Variants in AHI1 observed in about 807,000 individuals in gnomAD.
AHI1 encodes jouberin.
In AHI1, 123 loss-of-function variants were observed where a neutral mutation model predicts 149.3. That is an observed-to-expected ratio of 0.82 (90% CI 0.71 to 0.96). The LOEUF (loss-of-function observed/expected upper bound fraction) is 0.96. AHI1 is among the 40% of genes least tolerant of loss of function. The pLI, the probability that AHI1 is intolerant of heterozygous loss-of-function variation, is 0.00. For synonymous variants in AHI1, 475 were observed against 459.8 expected (o/e 1.03, Z -0.42); for missense variants, 1,439 against 1,422.7 (o/e 1.01, Z -0.18).
chr6:135,426,245 G>T (rs1340352037), intron 20 of AHI1, among the ~76,000 whole-genome samples: 1 of 151,678 alleles, frequency 6.6e-6, no homozygotes, highest in Admixed American at 6.6e-5. Context: ...ATTACTAACA[G>T]TGTTCTATAA....
At chr6:135,352,405 C>T (rs1246361922) in intron 24 of AHI1, among the ~76,000 whole-genome samples, 1 of 152,076 alleles carries the variant, frequency 6.6e-6, no homozygotes, top group Non-Finnish European at 1.5e-5. Flanking sequence ...AATCTTTGGT[C>T]ACACTGTTAC....
At chr6:135,334,314 A>G (rs1406077004) in intron 24 of AHI1, among the ~76,000 whole-genome samples, 2 of 152,156 alleles carry the variant, frequency 1.3e-5, no homozygotes, top group Non-Finnish European at 2.9e-5. Context: ...AGCCCTTACA[A>G]AAGAAACCCC....
At chr6:135,391,053 T>G (rs1310606586) in intron 23 of AHI1, among the ~76,000 whole-genome samples, 1 of 152,200 alleles carries the variant, frequency 6.6e-6, no homozygotes, top group Non-Finnish European at 1.5e-5. Context: ...ATAGTTTTAA[T>G]TTTTATAGGA....
intron 28 of AHI1, among the ~76,000 whole-genome samples, chr6:135,287,852 T>G (rs1463110318): frequency 6.6e-6 from 1 of 151,132 alleles, no homozygotes; most frequent in Non-Finnish European, 1.5e-5. Flanking sequence ...ATCCCAGCAT[T>G]TTGGGAGGCT....
At chr6:135,487,952 A>G (rs889753143) in intron 5 of AHI1, among the ~76,000 whole-genome samples, 2 of 151,962 alleles carry the variant, frequency 1.3e-5, no homozygotes, top group Non-Finnish European at 2.9e-5. Flanking sequence ...AATAATGCAC[A>G]TATGTTTACA....
chr6:135,303,790 G>A (rs1784197009), intron 26 of AHI1, among the ~76,000 whole-genome samples: 2 of 152,182 alleles, frequency 1.3e-5, no homozygotes, highest in African/African-American at 4.8e-5. Flanking sequence ...TACTCTGGGT[G>A]AAACTAGGTT....
At chr6:135,361,359 T>C in intron 23 of AHI1, among the ~76,000 whole-genome samples, 1 of 152,198 alleles carries the variant, frequency 6.6e-6, no homozygotes, top group Non-Finnish European at 1.5e-5. Flanking sequence ...ATCCAGGCTT[T>C]CACATGAGAT....
At chr6:135,465,744 T>TAATATTTATTCAATATTCAAATATTG (rs1164835150) in intron 7 of AHI1, 70 bp downstream of exon 7, 50 of 1,276,992 alleles carry the variant, frequency 3.9e-5, no homozygotes, top group Non-Finnish European at 5.1e-5. Context: ...AAACCACAGA[T>TAATATTTATTCAATATTCAAATATTG]AATATTCAAA....
intron 27 of AHI1, among the ~76,000 whole-genome samples, chr6:135,295,591 G>T (rs1393146528): frequency 6.6e-6 from 1 of 152,118 alleles, no homozygotes; most frequent in South Asian, 2.1e-4. Context: ...TGTAGTAGCC[G>T]CAAAGTGGAA....
At chr6:135,445,454 A>G (rs1052465178) in intron 13 of AHI1, among the ~76,000 whole-genome samples, 5 of 152,264 alleles carry the variant, frequency 3.3e-5, no homozygotes, top group African/African-American at 1.2e-4. Context: ...ATACATGTAC[A>G]TATCTCTATC....
In AHI1 at chr6:135,385,926, A is replaced by C. The variant is rs562435370; in HGVS notation, c.3109+8850T>G. On this transcript the variant is annotated intron_variant, in intron 23 of 28. Transcript: ENST00000265602. ...CCAGACACATAAGTCTGAGGCTTTA[A>C]TATATTCACAACATTTTTACCATTT... Among the ~76,000 whole-genome samples, 9 of 152,358 alleles carry C rather than the reference A, an allele frequency of 5.9e-5. No individual in the cohort carries two copies. In the South Asian group the frequency reaches 1.9e-3, roughly 32 times the overall value.
chr6:135,456,699 G>C (rs917177449), intron 9 of AHI1, among the ~76,000 whole-genome samples: 3 of 152,020 alleles, frequency 2.0e-5, no homozygotes, highest in African/African-American at 4.8e-5. Flanking sequence ...ATTCCCCACT[G>C]GCTTTCCAAA....
chr6:135,442,505 T>C, intron 14 of AHI1, 77 bp downstream of exon 14: 1 of 1,427,584 alleles, frequency 7.0e-7, no homozygotes, highest in Non-Finnish European at 9.3e-7. Flanking sequence ...AGTTAAGATT[T>C]CCATGAATTT....
intron 25 of AHI1, among the ~76,000 whole-genome samples, chr6:135,321,059 C>T (rs897596521): frequency 1.3e-5 from 2 of 152,244 alleles, no homozygotes; most frequent in South Asian, 4.1e-4. Context: ...ATTACACAAC[C>T]TCTTCTAAAC....
chr6:135,376,027 A>G (rs1775859028), intron 23 of AHI1, among the ~76,000 whole-genome samples: 1 of 151,974 alleles, frequency 6.6e-6, no homozygotes, highest in Non-Finnish European at 1.5e-5. Context: ...AAAAAATGTT[A>G]GAAAAGTAGT....
intron 24 of AHI1, among the ~76,000 whole-genome samples, chr6:135,327,436 T>C (rs1442195148): frequency 6.6e-6 from 1 of 152,266 alleles, no homozygotes; most frequent in African/African-American, 2.4e-5. Flanking sequence ...AATTGGAGCA[T>C]GTCATCGTAA....
At chr6:135,320,050 T>C (rs1471055852) in intron 25 of AHI1, among the ~76,000 whole-genome samples, 1 of 152,222 alleles carries the variant, frequency 6.6e-6, no homozygotes, top group Non-Finnish European at 1.5e-5. Flanking sequence ...GGACAATTCT[T>C]CCTACTATTT....
chr6:135,424,693 C>T (rs1783691734), intron 20 of AHI1, among the ~76,000 whole-genome samples: 1 of 151,940 alleles, frequency 6.6e-6, no homozygotes, highest in African/African-American at 2.4e-5. Context: ...GCTAACTCTT[C>T]ACAGATTTTG....
rs372188833 is a variant in AHI1 at position 135,480,475 on chromosome 6, AAG to A, written c.135+10146_135+10147del. Among the ~76,000 whole-genome samples the A allele has an allele frequency of 9.0e-4, 137 of 152,162 alleles. 2 individuals carry two copies. Among genetic ancestry groups the A allele is most frequent in the African/African-American group, 2.9e-3 (121 of 41,550 alleles). Reference sequence around the variant, plus strand: ...CCTGTCTTAAAAAAAAAAAAGAAGAAAGAAACTCACAAAAGTATACTTCTATT... The same window carrying A: ...CCTGTCTTAAAAAAAAAAAAGAAGAAAAACTCACAAAAGTATACTTCTATT... On this transcript the variant is annotated intron_variant, in intron 5 of 28. Coordinates refer to ENST00000265602, the MANE Select transcript of AHI1 (RefSeq NM_001134831.2).
Sources: gnomAD v4.1 joint callset for allele counts (sites outside exome capture counted in the v4.1 genomes callset) on GRCh38, gnomAD v4.1.1 for gene constraint, MANE v1.5 for transcripts, NCBI Gene and HGNC (gene_info 2026-07-23, HGNC 2026-07-21) for gene names.